Variants in ITGA11 observed in about 807,000 individuals in gnomAD.
ITGA11 encodes integrin alpha-11.
A neutral mutation model predicts 141.9 loss-of-function variants in ITGA11; 97 were observed. The observed-to-expected ratio is 0.68, with a 90% confidence interval of 0.58 to 0.81. The LOEUF is 0.81. ITGA11 is among the 30% of genes least tolerant of loss of function. The pLI, the probability that ITGA11 is intolerant of heterozygous loss-of-function variation, is 0.00. For synonymous variants in ITGA11, 658 were observed against 624.6 expected (o/e 1.05, Z -0.80); for missense variants, 1,387 against 1,559.2 (o/e 0.89, Z 1.86).
At chr15:68,381,682 A>C (rs28695547) in intron 2 of ITGA11, among the ~76,000 whole-genome samples, 7,287 of 152,074 alleles carry the variant, frequency 0.048, 556 homozygotes, top group African/African-American at 0.16. Flanking sequence ...CAGCCTCCCG[A>C]GTAGCTGGGA....
intron 1 of ITGA11, among the ~76,000 whole-genome samples, chr15:68,414,619 G>A (rs967115497): frequency 2.0e-5 from 3 of 152,142 alleles, no homozygotes; most frequent in East Asian, 1.9e-4. Context: ...TGTGTGTTCC[G>A]CCTCCTCTGG....
Position 68,302,939 on chromosome 15 carries a change from T to C in ITGA11, c.*120A>G. On this transcript the variant is annotated 3_prime_UTR_variant, in exon 30 of 30. Transcript: ENST00000315757. ...AGGCGCCATTGCTCGGGAGATGAGGTCAAGTGCAAAGCCAGCTGGCTTCCT... is the reference window on the plus strand; with the variant it reads ...AGGCGCCATTGCTCGGGAGATGAGGCCAAGTGCAAAGCCAGCTGGCTTCCT... The C allele has an allele frequency of 1.3e-6, 1 of 745,152 alleles. No individual in the cohort carries two copies. The highest frequency in any genetic ancestry group is 2.2e-6 in the Non-Finnish European group (1 of 453,700). The allele number at this position is 745,152 out of a possible 1,614,324, so 46.2% of individuals were successfully genotyped here. A position where few individuals can be genotyped will look rare whatever the true frequency, so the allele number is the denominator to read the frequency against.
intron 1 of ITGA11, among the ~76,000 whole-genome samples, chr15:68,415,587 G>A (rs1178300860): frequency 6.6e-6 from 1 of 152,240 alleles, no homozygotes; most frequent in Non-Finnish European, 1.5e-5. Flanking sequence ...CCGGCAGGGA[G>A]TGGCTCTGAG....
chr15:68,318,529 G>C (rs1361867879), intron 20 of ITGA11, among the ~76,000 whole-genome samples: 2 of 152,160 alleles, frequency 1.3e-5, no homozygotes, highest in Non-Finnish European at 2.9e-5. Flanking sequence ...GAGAGGGAGT[G>C]GGATTGGGGC....
intron 1 of ITGA11, among the ~76,000 whole-genome samples, chr15:68,406,570 C>T (rs1036145870): frequency 6.6e-6 from 1 of 152,186 alleles, no homozygotes; most frequent in Non-Finnish European, 1.5e-5. Context: ...TTCCTGTGCT[C>T]CATTTTTCCT....
chr15:68,404,932 C>A (rs1394548050), intron 1 of ITGA11, among the ~76,000 whole-genome samples: 2 of 152,204 alleles, frequency 1.3e-5, no homozygotes, highest in Non-Finnish European at 2.9e-5. Context: ...ATCTCCATGA[C>A]AAGCAGCAAA....
At chr15:68,350,837 A>T (rs1894886379) in intron 8 of ITGA11, 55 bp from the exon 9 acceptor site, 8 of 1,562,132 alleles carry the variant, frequency 5.1e-6, no homozygotes, top group Non-Finnish European at 7.0e-6. Context: ...AGACTTTCCC[A>T]TACACCACAC....
At chr15:68,346,690 G>A (rs1423101172) in intron 10 of ITGA11, among the ~76,000 whole-genome samples, 1 of 152,178 alleles carries the variant, frequency 6.6e-6, no homozygotes, top group Non-Finnish European at 1.5e-5. Flanking sequence ...AATGCTCTCT[G>A]TTCTCCTGCT....
intron 2 of ITGA11, among the ~76,000 whole-genome samples, chr15:68,378,394 C>T (rs1406679667): frequency 6.6e-6 from 1 of 152,140 alleles, no homozygotes; most frequent in African/African-American, 2.4e-5. Flanking sequence ...TCTATAATCC[C>T]AGCTACTAGG....
intron 21 of ITGA11, 134 bp downstream of exon 21, chr15:68,317,131 T>C: frequency 3.0e-6 from 2 of 666,724 alleles, no homozygotes; most frequent in East Asian, 5.3e-5. Flanking sequence ...AAAAGACAAA[T>C]AAAAGCCACC....
At position 68,332,494 on chromosome 15, in the gene ITGA11, G is replaced by A. The variant is rs779863268; in HGVS notation, c.1426-16C>T. 6.2e-7 allele frequency: 1 copy of A among 1,610,020 alleles called. No homozygotes were observed. The highest frequency in any genetic ancestry group is 8.5e-7 in the Non-Finnish European group (1 of 1,177,894). ...AAGAGCCTATCTGCGGCACGTGATG[G>A]GAGAGAGGAGTGGGCTGGCTGCCCA... is the stretch of plus-strand genomic sequence containing the variant. On this transcript the variant is annotated splice_polypyrimidine_tract_variant and intron_variant, in intron 12 of 29. Coordinates refer to ENST00000315757, the MANE Select transcript of ITGA11 (RefSeq NM_001004439.2).
rs1893816745 is a variant in ITGA11, at chr15:68,321,606, C to T, written c.2323-103G>A. The T allele has an allele frequency of 3.4e-6, 2 of 585,822 alleles. No individual in the cohort carries two copies. Among genetic ancestry groups the T allele is most frequent in the Middle Eastern group, 4.2e-4 (1 of 2,406 alleles). 36.3% of individuals were successfully genotyped at this position (585,822 alleles called of 1,614,324 possible). On this transcript the variant is annotated intron_variant, in intron 18 of 29. Coordinates refer to ENST00000315757, the MANE Select transcript of ITGA11 (RefSeq NM_001004439.2). The surrounding 1 kb of genome is among the most constrained non-coding windows in gnomAD (Gnocchi z 4.9). ...CTCCACCACACTAGACATGGGCTGGCTTTCCTGCACTGTCCCCAGACACCA... is the reference window on the plus strand; with the variant it reads ...CTCCACCACACTAGACATGGGCTGGTTTTCCTGCACTGTCCCCAGACACCA...
At chr15:68,363,168 A>G (rs556227367) in intron 4 of ITGA11, among the ~76,000 whole-genome samples, 3,486 of 152,290 alleles carry the variant, frequency 0.023, 54 homozygotes, top group South Asian at 0.035. Flanking sequence ...GTGGTTGGAT[A>G]GATGAATGGA....
chr15:68,346,053 A>G (rs1384412660), intron 10 of ITGA11, among the ~76,000 whole-genome samples: 1 of 152,182 alleles, frequency 6.6e-6, no homozygotes, highest in African/African-American at 2.4e-5. Flanking sequence ...TTAGATGAAA[A>G]TATCAGGGGT....
At chr15:68,383,613 C>G (rs904347917) in intron 2 of ITGA11, among the ~76,000 whole-genome samples, 1 of 152,214 alleles carries the variant, frequency 6.6e-6, no homozygotes, top group East Asian at 1.9e-4. Flanking sequence ...GGAGGGCTAT[C>G]TTGCACCCCC....
At chr15:68,343,776 G>A (rs55789825) in intron 10 of ITGA11, among the ~76,000 whole-genome samples, 27,811 of 152,130 alleles carry the variant, frequency 0.18, 2,741 homozygotes, top group Non-Finnish European at 0.22. Context: ...GGTGGATTAT[G>A]CTTTTTCACT....
At position 68,421,034 on chromosome 15, in the gene ITGA11, T is replaced by TCCAAG. The variant is rs1897007405; in HGVS notation, c.52+10980_52+10981insCTTGG. 2.2e-4 allele frequency among the ~76,000 whole-genome samples: 2 copies of TCCAAG among 9,034 alleles called. 1 individual carries two copies. The highest frequency in any genetic ancestry group is 4.7e-4 in the Non-Finnish European group (2 of 4,286). The allele number at this position is 9,034 out of a possible 152,430, so 5.9% of individuals were successfully genotyped here. A position where few individuals can be genotyped will look rare whatever the true frequency, so the allele number is the denominator to read the frequency against. On this transcript the variant is annotated intron_variant, in intron 1 of 29. Coordinates refer to ENST00000315757, the MANE Select transcript of ITGA11 (RefSeq NM_001004439.2). ...GTTTGGTGGGCAGGATGCCGGAGTG[T>TCCAAG]GTGCTGTGAGGAATGGTAAGAACAG...
At chr15:68,402,076 G>T (rs1290983596) in intron 2 of ITGA11, among the ~76,000 whole-genome samples, 2 of 150,492 alleles carry the variant, frequency 1.3e-5, no homozygotes, top group Admixed American at 6.6e-5. Flanking sequence ...AGAGGTTGGG[G>T]AGGGTAGACA....
intron 2 of ITGA11, among the ~76,000 whole-genome samples, chr15:68,373,487 C>A (rs1193064923): frequency 6.6e-6 from 1 of 152,178 alleles, no homozygotes; most frequent in Non-Finnish European, 1.5e-5. Flanking sequence ...AATGGAGTGA[C>A]CCAGCTTCCA....
Sources: allele counts gnomAD v4.1 joint callset (sites outside exome capture counted in the v4.1 genomes callset), GRCh38; gene constraint gnomAD v4.1.1; non-coding constraint Gnocchi (gnomAD v3.1); transcripts MANE v1.5; gene names NCBI Gene and HGNC (gene_info 2026-07-23, HGNC 2026-07-21).